The following NALCN variants were observed in gnomAD, a reference collection of about 807,000 sequenced individuals.
NALCN encodes the protein sodium leak channel NALCN.
A neutral mutation model predicts 225.3 loss-of-function variants in NALCN; 111 were observed. That is an observed-to-expected ratio of 0.49 (90% confidence interval 0.42 to 0.58). The LOEUF is 0.58. NALCN is among the 20% of genes least tolerant of loss of function. NALCN has a pLI of 0.00. For synonymous variants in NALCN, 764 were observed against 769.0 expected (o/e 0.99, Z 0.11); for missense variants, 1,378 against 2,202.4 (o/e 0.63, Z 7.49).
At chr13:101,316,620 G>A (rs1254180969) in intron 7 of NALCN, among the ~76,000 whole-genome samples, 1 of 152,130 alleles carries the variant, frequency 6.6e-6, no homozygotes, top group Non-Finnish European at 1.5e-5. Flanking sequence ...GGAAATCTTA[G>A]CCATCTGTCA....
At chr13:101,084,597 T>G (rs959611694) in intron 30 of NALCN, among the ~76,000 whole-genome samples, 1 of 68,306 alleles carries the variant, frequency 1.5e-5, no homozygotes, top group Non-Finnish European at 3.1e-5. Context: ...GACTCCAACA[T>G]GTGATTATTT....
chr13:101,206,817 C>A (rs901461666), intron 13 of NALCN, among the ~76,000 whole-genome samples: 3 of 151,392 alleles, frequency 2.0e-5, no homozygotes, highest in Middle Eastern at 3.5e-3. Flanking sequence ...TCTAGGCATA[C>A]AAATGTACTT....
At chr13:101,195,126 A>G (rs528568586) in intron 13 of NALCN, among the ~76,000 whole-genome samples, 1 of 152,350 alleles carries the variant, frequency 6.6e-6, no homozygotes, top group East Asian at 1.9e-4. Context: ...TGAATCAAGA[A>G]CAGTTTTGGG....
chr13:101,137,178 G>C (rs1430197480), intron 17 of NALCN, among the ~76,000 whole-genome samples: 2 of 152,098 alleles, frequency 1.3e-5, no homozygotes, highest in African/African-American at 4.8e-5. Context: ...TTTGACATGA[G>C]GAACACCAAT....
At chr13:101,309,079 T>A (rs2044250004) in intron 7 of NALCN, among the ~76,000 whole-genome samples, 1 of 152,230 alleles carries the variant, frequency 6.6e-6, no homozygotes, top group African/African-American at 2.4e-5. Context: ...ACTAATGGTA[T>A]GATTCAACAA....
intron 15 of NALCN, among the ~76,000 whole-genome samples, chr13:101,152,485 AGATCTT>A (rs1373553865): frequency 6.6e-6 from 1 of 152,178 alleles, no homozygotes; most frequent in Non-Finnish European, 1.5e-5. Flanking sequence ...ACAACCCTTA[AGATCTT>A]ACAAGCTTTA....
chr13:101,160,355 A>T (rs547705660), intron 15 of NALCN, among the ~76,000 whole-genome samples: 7 of 152,174 alleles, frequency 4.6e-5, no homozygotes, highest in Non-Finnish European at 7.4e-5. Context: ...TGCGCTTATC[A>T]TAAAGCAGAG....
chr13:101,389,175 C>T (rs2047073194), intron 3 of NALCN, among the ~76,000 whole-genome samples: 1 of 152,190 alleles, frequency 6.6e-6, no homozygotes, highest in Admixed American at 6.5e-5. Context: ...ATCCTGAAAT[C>T]TGTTCATTGA....
intron 36 of NALCN, 100 bp from the exon 37 acceptor site, chr13:101,073,777 A>C: frequency 1.0e-6 from 1 of 985,292 alleles, no homozygotes; most frequent in East Asian, 2.6e-5. Context: ...GGTTGTAGCA[A>C]ATTTGGTTGC....
chr13:101,169,600 A>C (rs1323197397), intron 15 of NALCN, among the ~76,000 whole-genome samples: 1 of 152,232 alleles, frequency 6.6e-6, no homozygotes, highest in East Asian at 1.9e-4. Context: ...AAAATGGATA[A>C]GCATCTCATC....
chr13:101,179,181 G>C lies in NALCN; in HGVS notation c.1765-2807C>G, dbSNP rs150243252. On this transcript the variant is annotated intron_variant, in intron 14 of 43. Coordinates refer to ENST00000251127, the MANE Select transcript of NALCN (RefSeq NM_052867.4). ...AGACATAGAAGAGAGCACTGTGCTT[G>C]GAGTCAGAGAGCTCAGGTAGCAAAC... Among the ~76,000 whole-genome samples, 1,462 of 152,284 alleles carry C rather than the reference G, an allele frequency of 9.6e-3. 13 individuals are homozygous for C. The highest frequency in any genetic ancestry group is 0.037 in the Middle Eastern group (11 of 294).
chr13:101,059,792 G>A lies in NALCN; in HGVS notation c.4905+26C>T, dbSNP rs1193306167. On this transcript the variant is annotated intron_variant, in intron 42 of 43. Coordinates refer to ENST00000251127, the MANE Select transcript of NALCN (RefSeq NM_052867.4). ...AGAAAGAAGCCCACAGAGTGTCCTG[G>A]GACAGAGGACGCCTCGTGCCCATAC... 3 of 1,611,722 alleles carry A rather than the reference G, an allele frequency of 1.9e-6. No individual in the cohort carries two copies. In the African/African-American group the frequency reaches 4.0e-5, roughly 22 times the overall value.
At chr13:101,171,380 C>T (rs9518321) in intron 15 of NALCN, among the ~76,000 whole-genome samples, 37,014 of 149,144 alleles carry the variant, frequency 0.25, 5,334 homozygotes, top group Non-Finnish European at 0.33. Flanking sequence ...TAATGTATGA[C>T]ATATACATAT....
At chr13:101,360,584 A>G (rs1408751961) in intron 6 of NALCN, among the ~76,000 whole-genome samples, 1 of 152,176 alleles carries the variant, frequency 6.6e-6, no homozygotes, top group Non-Finnish European at 1.5e-5. Context: ...CAAACTCCCC[A>G]ATGATGTGAA....
At chr13:101,095,093 C>T (rs996099184) in intron 28 of NALCN, among the ~76,000 whole-genome samples, 2 of 152,136 alleles carry the variant, frequency 1.3e-5, no homozygotes, top group Non-Finnish European at 2.9e-5. Flanking sequence ...AAGTTAGAAG[C>T]AATCAACTGT....
rs761152364 is a variant in NALCN, at chr13:101,104,864, T to C, written c.2636+30A>G. 3.7e-6 allele frequency: 6 copies of C among 1,611,594 alleles called. No individual in the cohort carries two copies. The highest frequency in any genetic ancestry group is 5.1e-6 in the Non-Finnish European group (6 of 1,178,044). The stretch of plus-strand genomic sequence containing the variant: ...AAATAGTACATGAAAACTTTAAATG[T>C]GCATGGAAAATGAAGTTGGTGATGC... On this transcript the variant is annotated intron_variant, in intron 23 of 43. Coordinates refer to ENST00000251127, the MANE Select transcript of NALCN (RefSeq NM_052867.4). This position sits in a 1 kb window ranked among gnomAD's most constrained non-coding sequence, Gnocchi z 4.2.
intron 6 of NALCN, among the ~76,000 whole-genome samples, chr13:101,351,717 G>A (rs192607894): frequency 6.6e-6 from 1 of 152,210 alleles, no homozygotes; most frequent in East Asian, 1.9e-4. Context: ...TTCCCAGAAG[G>A]ACCTCATAAC....
chr13:101,305,384 C>T (rs527752070), intron 7 of NALCN, among the ~76,000 whole-genome samples: 16 of 152,292 alleles, frequency 1.1e-4, no homozygotes, highest in South Asian at 1.0e-3. Context: ...GCCTAATGGA[C>T]GCTTATAAAA....
At chr13:101,243,313 T>A (rs538601041) in intron 11 of NALCN, among the ~76,000 whole-genome samples, 1 of 104,328 alleles carries the variant, frequency 9.6e-6, no homozygotes, top group South Asian at 3.2e-4. Flanking sequence ...TGCCCTTTTT[T>A]AACTCATTTT....
Sources: allele counts gnomAD v4.1 joint callset (sites outside exome capture counted in the v4.1 genomes callset), GRCh38; gene constraint gnomAD v4.1.1; non-coding constraint Gnocchi (gnomAD v3.1); transcripts MANE v1.5; gene names NCBI Gene and HGNC (gene_info 2026-07-23, HGNC 2026-07-21).